Variants in ZNF521 observed in about 807,000 individuals in gnomAD.
The protein encoded by ZNF521 is zinc finger protein 521.
ZNF521 carries 14 observed loss-of-function variants against 105.5 expected under a neutral mutation model. The ratio of observed to expected loss-of-function variants is 0.13; its 90% CI spans 0.09 to 0.21. The LOEUF (loss-of-function observed/expected upper bound fraction) is 0.21. ZNF521 is among the 10% of genes least tolerant of loss of function. ZNF521 has a pLI of 1.00. For missense variants in ZNF521, 1,233 were observed against 1,629.7 expected (o/e 0.76, Z 4.19); for synonymous variants, 635 against 606.0 (o/e 1.05, Z -0.70).
intron 5 of ZNF521, among the ~76,000 whole-genome samples, chr18:25,139,978 C>T (rs749515313): frequency 6.6e-6 from 1 of 152,140 alleles, no homozygotes; most frequent in Admixed American, 6.5e-5. Context: ...AGGAAGCTGG[C>T]CCTCACCAGA....
At chr18:25,314,442 C>G (rs1233586689) in intron 3 of ZNF521, among the ~76,000 whole-genome samples, 2 of 152,100 alleles carry the variant, frequency 1.3e-5, no homozygotes, top group Admixed American at 1.3e-4. Flanking sequence ...TTTCAGCTTA[C>G]AAAAATTGTA....
At chr18:25,224,203 T>C in intron 4 of ZNF521, 142 bp downstream of exon 4, 1 of 802,696 alleles carries the variant, frequency 1.2e-6, no homozygotes, top group Non-Finnish European at 2.0e-6. Flanking sequence ...CTAATGGCTA[T>C]GGGGGAAAAA....
intron 3 of ZNF521, among the ~76,000 whole-genome samples, chr18:25,230,656 G>A (rs140257725): frequency 1.9e-3 from 295 of 152,034 alleles, no homozygotes; most frequent in African/African-American, 6.7e-3. Flanking sequence ...TTTTCCCTTT[G>A]GCACTAAGTG....
At chr18:25,266,539 A>C (rs899373576) in intron 3 of ZNF521, among the ~76,000 whole-genome samples, 2 of 152,134 alleles carry the variant, frequency 1.3e-5, no homozygotes, top group African/African-American at 4.8e-5. Flanking sequence ...TGCATTTCCA[A>C]CTGAGGTACC....
At chr18:25,076,239 A>G (rs1353361072) in intron 7 of ZNF521, among the ~76,000 whole-genome samples, 2 of 152,246 alleles carry the variant, frequency 1.3e-5, no homozygotes, top group African/African-American at 4.8e-5. Context: ...TAGGGTAAGT[A>G]AAAGGTGAAT....
At chr18:25,201,771 G>C (rs1321654215) in intron 4 of ZNF521, 3 of 152,102 alleles carry the variant, frequency 2.0e-5, no homozygotes, top group Non-Finnish European at 4.4e-5. Context: ...AGAATCTCTA[G>C]ATTTTCTTTC....
intron 5 of ZNF521, among the ~76,000 whole-genome samples, chr18:25,141,312 T>C (rs1482442641): frequency 2.0e-5 from 3 of 152,192 alleles, no homozygotes; most frequent in African/African-American, 7.2e-5. Context: ...TGTTTATATG[T>C]GATGTGCACA....
intron 2 of ZNF521, among the ~76,000 whole-genome samples, chr18:25,328,057 T>C (rs887833820): frequency 6.6e-6 from 1 of 152,216 alleles, no homozygotes; most frequent in Admixed American, 6.5e-5. Context: ...CTTTCTGCAA[T>C]GTTTATTTTC....
intron 5 of ZNF521, among the ~76,000 whole-genome samples, chr18:25,155,523 GT>G (rs2035127137): frequency 6.6e-6 from 1 of 152,074 alleles, no homozygotes; most frequent in Non-Finnish European, 1.5e-5. Context: ...TCTCTCCAAT[GT>G]TTTCTTCTAG....
Position 25,062,752 on chromosome 18 carries a change from CAAAAAAAAAAAAAAAAAAAAAA to C in ZNF521, c.3907-33_3907-12del. ...GGTCATTGTATGATTCTGTAAATAA[CAAAAAAAAAAAAAAAAAAAAAA>C]AAAAAAAAAAAGAGAAGAGAGGGAA... On this transcript the variant is annotated splice_polypyrimidine_tract_variant and intron_variant, in intron 7 of 7. Transcript: ENST00000361524. The C allele has an allele frequency of 5.6e-6, 2 of 359,486 alleles. No homozygotes were observed. Among genetic ancestry groups the C allele is most frequent in the African/African-American group, 4.5e-5 (1 of 22,052 alleles). 22.3% of individuals were successfully genotyped at this position (359,486 alleles called of 1,614,324 possible). A position where few individuals can be genotyped will look rare whatever the true frequency, so the allele number is the denominator to read the frequency against.
intron 5 of ZNF521, among the ~76,000 whole-genome samples, chr18:25,145,272 T>C (rs1384600711): frequency 6.6e-6 from 1 of 152,150 alleles, no homozygotes; most frequent in Non-Finnish European, 1.5e-5. Context: ...TTTCTCCCCC[T>C]CTTTATTGAC....
intron 5 of ZNF521, among the ~76,000 whole-genome samples, chr18:25,189,439 C>G (rs1245946253): frequency 2.0e-5 from 3 of 152,192 alleles, no homozygotes; most frequent in African/African-American, 4.8e-5. Flanking sequence ...CAATTTCATA[C>G]TAAGCAATAA....
intron 3 of ZNF521, among the ~76,000 whole-genome samples, chr18:25,283,976 A>T (rs1428206517): frequency 1.4e-5 from 2 of 142,064 alleles, no homozygotes; most frequent in Non-Finnish European, 3.1e-5. Flanking sequence ...GTTTTACACT[A>T]GACGGCTGAG....
rs111371656 is a variant in ZNF521, at chr18:25,305,991, A to G, written c.220+16017T>C. 4.2e-3 allele frequency among the ~76,000 whole-genome samples: 643 copies of G among 152,360 alleles called. 1 individual carries two copies. The highest frequency in any genetic ancestry group is 9.5e-3 in the African/African-American group (394 of 41,588). On this transcript the variant is annotated intron_variant, in intron 3 of 7. Coordinates refer to ENST00000361524, the MANE Select transcript of ZNF521 (RefSeq NM_015461.3). ...TATCACCTTTACAGGTAAATGTTCAATTAAACATTTAAGTAATCTGTCTAA... is the reference window on the plus strand; with the variant it reads ...TATCACCTTTACAGGTAAATGTTCAGTTAAACATTTAAGTAATCTGTCTAA...
Position 25,157,968 on chromosome 18 carries a change from G to A in ZNF521, c.3658+37192C>T, listed in dbSNP as rs56396474. ...GGGGTTTCACTATGTTGGCCAGGCT[G>A]GTCTTGAACTCCTGACCTCAGGTGA... is the stretch of plus-strand genomic sequence containing the variant. On this transcript the variant is annotated intron_variant, in intron 5 of 7. Coordinates refer to ENST00000361524, the MANE Select transcript of ZNF521 (RefSeq NM_015461.3). Among the ~76,000 whole-genome samples the A allele has an allele frequency of 6.3e-3, 952 of 152,176 alleles. 1 individual carries two copies. The highest frequency in any genetic ancestry group is 0.01 in the Middle Eastern group (3 of 294).
At chr18:25,306,025 A>G (rs1378835597) in intron 3 of ZNF521, among the ~76,000 whole-genome samples, 2 of 152,230 alleles carry the variant, frequency 1.3e-5, no homozygotes, top group Non-Finnish European at 2.9e-5. Context: ...AAGGACATAC[A>G]ACCAGCTTTG....
At chr18:25,216,510 C>G (rs1905331478) in intron 4 of ZNF521, among the ~76,000 whole-genome samples, 1 of 152,100 alleles carries the variant, frequency 6.6e-6, no homozygotes, top group Non-Finnish European at 1.5e-5. Flanking sequence ...TTTACTGAGC[C>G]CTTATGATAA....
chr18:25,237,221 T>C (rs1906959168), intron 3 of ZNF521, among the ~76,000 whole-genome samples: 1 of 152,192 alleles, frequency 6.6e-6, no homozygotes, highest in Non-Finnish European at 1.5e-5. Context: ...TGACTAAATG[T>C]TCAGAATAGA....
At chr18:25,275,074 T>C (rs1447351977) in intron 3 of ZNF521, among the ~76,000 whole-genome samples, 1 of 152,144 alleles carries the variant, frequency 6.6e-6, no homozygotes, top group Non-Finnish European at 1.5e-5. Context: ...ACCTATAAAA[T>C]ATTGCCAAAA....
Sources: gnomAD v4.1 joint callset for allele counts (sites outside exome capture counted in the v4.1 genomes callset) on GRCh38, gnomAD v4.1.1 for gene constraint, MANE v1.5 for transcripts, NCBI Gene and HGNC (gene_info 2026-07-23, HGNC 2026-07-21) for gene names.